Variants in CPNE4 observed in about 807,000 individuals in gnomAD.
CPNE4 encodes copine 4.
In CPNE4, 25 loss-of-function variants were observed where a neutral mutation model predicts 67.9. The ratio of observed to expected loss-of-function variants is 0.37; its 90% CI spans 0.27 to 0.51. CPNE4 has a LOEUF of 0.51. Ranked by LOEUF, CPNE4 falls within the 20% of genes least tolerant of loss-of-function variation. The pLI is 0.93. For missense variants in CPNE4, 464 were observed against 690.8 expected (o/e 0.67, Z 3.68); for synonymous variants, 242 against 244.9 (o/e 0.99, Z 0.11).
intron 2 of CPNE4, among the ~76,000 whole-genome samples, chr3:131,845,182 A>G (rs1295448856): frequency 6.6e-6 from 1 of 152,178 alleles, no homozygotes. Flanking sequence ...CTGACCTCTG[A>G]CTATATGTGG....
At chr3:131,900,726 G>A (rs767991928) in intron 2 of CPNE4, among the ~76,000 whole-genome samples, 4 of 152,054 alleles carry the variant, frequency 2.6e-5, no homozygotes, top group African/African-American at 9.7e-5. Context: ...GATGGATATT[G>A]TGAATATAAA....
intron 2 of CPNE4, among the ~76,000 whole-genome samples, chr3:131,755,608 G>A (rs982107847): frequency 1.3e-5 from 2 of 152,114 alleles, no homozygotes; most frequent in African/African-American, 4.8e-5. Context: ...TCTGACAGCT[G>A]CTTTGCTGGG....
chr3:131,777,004 G>A (rs1232812785), intron 2 of CPNE4, among the ~76,000 whole-genome samples: 1 of 152,074 alleles, frequency 6.6e-6, no homozygotes, highest in African/African-American at 2.4e-5. Flanking sequence ...TTGGCTAGTG[G>A]CTGCTGTATT....
upstream of CPNE4, among the ~76,000 whole-genome samples, chr3:132,039,219 T>G (rs986548922): frequency 2.2e-4 from 34 of 152,170 alleles, no homozygotes; most frequent in African/African-American, 7.2e-4. Flanking sequence ...TGTGAGAGTT[T>G]TCAAAGAGAA....
intron 2 of CPNE4, among the ~76,000 whole-genome samples, chr3:131,861,708 C>T (rs2086695676): frequency 6.6e-6 from 1 of 152,130 alleles, no homozygotes; most frequent in Non-Finnish European, 1.5e-5. Context: ...GCTGGGATTA[C>T]AGACATGAGC....
intron 7 of CPNE4, among the ~76,000 whole-genome samples, chr3:131,646,544 G>C (rs2079670132): frequency 6.6e-6 from 1 of 152,148 alleles, no homozygotes; most frequent in Non-Finnish European, 1.5e-5. Flanking sequence ...CAGAAAGAGA[G>C]AGTCCTGCTG....
intron 10 of CPNE4, among the ~76,000 whole-genome samples, chr3:131,565,258 A>T (rs1936996585): frequency 6.6e-6 from 1 of 152,042 alleles, no homozygotes; most frequent in Non-Finnish European, 1.5e-5. Context: ...AGGTTAAAAT[A>T]AAAGTCATAC....
At chr3:131,996,273 G>A (rs1373119366) in intron 1 of CPNE4, among the ~76,000 whole-genome samples, 1 of 152,128 alleles carries the variant, frequency 6.6e-6, no homozygotes, top group Non-Finnish European at 1.5e-5. Flanking sequence ...TTATAGCTGG[G>A]GGATTGTGGA....
intron 2 of CPNE4, among the ~76,000 whole-genome samples, chr3:131,750,252 G>C (rs1250216783): frequency 6.6e-6 from 1 of 152,140 alleles, no homozygotes; most frequent in Non-Finnish European, 1.5e-5. Flanking sequence ...TAACTGGGTA[G>C]TGTTTATTAA....
chr3:131,962,101 C>T (rs1175175962), intron 1 of CPNE4, among the ~76,000 whole-genome samples: 2 of 152,210 alleles, frequency 1.3e-5, no homozygotes, highest in Admixed American at 1.3e-4. Context: ...CAGACCTTTG[C>T]TGTTCCCCTT....
intron 2 of CPNE4, among the ~76,000 whole-genome samples, chr3:131,734,175 A>G (rs566917494): frequency 6.6e-6 from 1 of 152,298 alleles, no homozygotes; most frequent in Admixed American, 6.5e-5. Context: ...TCCAAATGCC[A>G]CTGGTTAGGG....
intron 1 of CPNE4, among the ~76,000 whole-genome samples, chr3:131,955,243 T>C (rs2071911420): frequency 6.6e-6 from 1 of 151,940 alleles, no homozygotes; most frequent in African/African-American, 2.4e-5. Context: ...TAATATAAAA[T>C]TTGTCATAGC....
chr3:131,637,398 A>T (rs1019737088), intron 7 of CPNE4, among the ~76,000 whole-genome samples: 19 of 152,248 alleles, frequency 1.2e-4, no homozygotes, highest in African/African-American at 4.6e-4. Context: ...TGCAAAATGC[A>T]CTGGTAAGTC....
intron 2 of CPNE4, among the ~76,000 whole-genome samples, chr3:131,800,159 T>C (rs1311702982): frequency 6.6e-6 from 1 of 152,120 alleles, no homozygotes; most frequent in East Asian, 1.9e-4. Context: ...TTTGTAATTC[T>C]CAGTGTTTAT....
At chr3:131,962,749 T>G (rs1408668200) in intron 1 of CPNE4, among the ~76,000 whole-genome samples, 1 of 151,076 alleles carries the variant, frequency 6.6e-6, no homozygotes, top group African/African-American at 2.4e-5. Flanking sequence ...AAAAATCCAG[T>G]GAGTAAATAC....
intron 15 of CPNE4, among the ~76,000 whole-genome samples, chr3:131,540,625 G>C (rs1384172541): frequency 6.6e-6 from 1 of 152,216 alleles, no homozygotes; most frequent in Admixed American, 6.5e-5. Context: ...TGAGAGTCCA[G>C]TGTGAACCCA....
In CPNE4 at chr3:131,849,518, C is replaced by T. The variant is rs1224701249; in HGVS notation, c.180+55746G>A. Among the ~76,000 whole-genome samples, 5 of 152,020 alleles carry T rather than the reference C, an allele frequency of 3.3e-5. No individual in the cohort carries two copies. The East Asian group carries it at 5.8e-4, about 18-fold the overall frequency. ...AACTCACTCTATATTACAAGACCAGCGAGGGGAAAATCCACACCCATGATC... is the reference window on the plus strand; with the variant it reads ...AACTCACTCTATATTACAAGACCAGTGAGGGGAAAATCCACACCCATGATC... On this transcript the variant is annotated intron_variant, in intron 2 of 15. Transcript: ENST00000429747.
intron 2 of CPNE4, among the ~76,000 whole-genome samples, chr3:131,879,127 T>C (rs561083350): frequency 6.7e-6 from 1 of 150,164 alleles, no homozygotes; most frequent in African/African-American, 2.5e-5. Context: ...TGTGTGTGTG[T>C]GCGTGCTAGA....
intron 7 of CPNE4, among the ~76,000 whole-genome samples, chr3:131,609,985 T>G (rs1210176764): frequency 6.6e-6 from 1 of 152,128 alleles, no homozygotes; most frequent in Admixed American, 6.6e-5. Context: ...TCAGAATGAG[T>G]AAAGTAGGTT....
Sources: gnomAD v4.1 joint callset for allele counts (sites outside exome capture counted in the v4.1 genomes callset) on GRCh38, gnomAD v4.1.1 for gene constraint, MANE v1.5 for transcripts, NCBI Gene and HGNC (gene_info 2026-07-23, HGNC 2026-07-21) for gene names.